The following CTNNA2 variants were observed in gnomAD, a reference collection of about 807,000 sequenced individuals.
CTNNA2 encodes the protein catenin alpha 2.
In CTNNA2, 42 loss-of-function variants were observed where a neutral mutation model predicts 101.0. The ratio of observed to expected loss-of-function variants is 0.42; its 90% CI spans 0.32 to 0.54. The LOEUF (loss-of-function observed/expected upper bound fraction) is 0.54. Among genes scored for constraint, CTNNA2 ranks in the 20% least tolerant of loss-of-function variants. The pLI, the probability that CTNNA2 is intolerant of heterozygous loss-of-function variation, is 0.14. For synonymous variants in CTNNA2, 450 were observed against 456.4 expected (o/e 0.99, Z 0.18); for missense variants, 871 against 1,223.1 (o/e 0.71, Z 4.29).
chr2:79,386,013 G>A (rs1374400072), intron 4 of CTNNA2, among the ~76,000 whole-genome samples: 1 of 152,168 alleles, frequency 6.6e-6, no homozygotes, highest in East Asian at 1.9e-4. Context: ...TGTCTTTATA[G>A]TAGAATGATT....
chr2:79,302,204 G>A (rs569116033), intron 2 of CTNNA2, among the ~76,000 whole-genome samples: 1 of 152,132 alleles, frequency 6.6e-6, no homozygotes, highest in Non-Finnish European at 1.5e-5. Flanking sequence ...CTACATCTCT[G>A]AGAGTCATGA....
At chr2:79,731,270 G>A (rs1164265826) in intron 2 of CTNNA2, among the ~76,000 whole-genome samples, 2 of 152,134 alleles carry the variant, frequency 1.3e-5, no homozygotes, top group Non-Finnish European at 2.9e-5. Flanking sequence ...GTGTTTCAAC[G>A]ATGATTTTGA....
At chr2:79,860,589 A>T (rs552897476) in intron 4 of CTNNA2, among the ~76,000 whole-genome samples, 40 of 143,304 alleles carry the variant, frequency 2.8e-4, no homozygotes, top group Middle Eastern at 7.1e-3. Flanking sequence ...AAAATCATGG[A>T]AAGGTCAACC....
chr2:80,485,771 T>C (rs1389571069), intron 9 of CTNNA2, among the ~76,000 whole-genome samples: 1 of 152,200 alleles, frequency 6.6e-6, no homozygotes, highest in Middle Eastern at 3.2e-3. Flanking sequence ...GCCAGGGCAC[T>C]TTCTAGTTTC....
chr2:80,627,506 A>G (rs1671806439), intron 18 of CTNNA2, among the ~76,000 whole-genome samples: 1 of 152,074 alleles, frequency 6.6e-6, no homozygotes, highest in Admixed American at 6.6e-5. Flanking sequence ...TTGGCTGCAT[A>G]AATGTCTTCT....
At chr2:79,444,314 G>A (rs1218001132) in intron 4 of CTNNA2, among the ~76,000 whole-genome samples, 1 of 152,008 alleles carries the variant, frequency 6.6e-6, no homozygotes, top group Admixed American at 6.6e-5. Flanking sequence ...TCCCAAGGAG[G>A]AAAAAGAATA....
chr2:80,163,171 G>T (rs1704439403), intron 7 of CTNNA2: 1 of 1,421,124 alleles, frequency 7.0e-7, no homozygotes, highest in Middle Eastern at 1.9e-4. Flanking sequence ...CCTCGAAAAG[G>T]AGCTCCTCGG....
chr2:80,288,771 G>T (rs1674988014), intron 7 of CTNNA2: 1 of 152,162 alleles, frequency 6.6e-6, no homozygotes, highest in African/African-American at 2.4e-5. Context: ...GCTGGGCCTG[G>T]TAGAAAATAA....
chr2:79,454,721 GCAGACTCATAAGAGAAA>G lies in CTNNA2; in HGVS notation c.-134-50331_-134-50315del, dbSNP rs1670795083. On this transcript the variant is annotated intron_variant, in intron 4 of 21. Coordinates refer to the CTNNA2 transcript ENST00000466387. ...CATTATTTCTCATAAGAGAAATAAT[GCAGACTCATAAGAGAAA>G]CCTAATCATAATCAGGTTGCCATTT... 5.8e-5 allele frequency among the ~76,000 whole-genome samples: 4 copies of G among 68,764 alleles called. No individual in the cohort carries two copies. The Admixed American group carries it at 6.7e-4, about 12-fold the overall frequency. The allele number at this position is 68,764 out of a possible 152,430, so 45.1% of individuals were successfully genotyped here. A position where few individuals can be genotyped will look rare whatever the true frequency, so the allele number is the denominator to read the frequency against.
At chr2:79,868,121 C>T (rs1394912320) in intron 4 of CTNNA2, among the ~76,000 whole-genome samples, 1 of 152,108 alleles carries the variant, frequency 6.6e-6, no homozygotes, top group Admixed American at 6.5e-5. Flanking sequence ...ACTGTACTTC[C>T]TTTTTCACAT....
chr2:80,221,601 C>G (rs952984024), intron 7 of CTNNA2, among the ~76,000 whole-genome samples: 2 of 152,184 alleles, frequency 1.3e-5, no homozygotes, highest in Non-Finnish European at 2.9e-5. Flanking sequence ...CTGATATACT[C>G]ATTTCCTGGC....
intron 1 of CTNNA2, among the ~76,000 whole-genome samples, chr2:79,530,902 A>C (rs1672696752): frequency 6.6e-6 from 1 of 152,094 alleles, no homozygotes; most frequent in African/African-American, 2.4e-5. Flanking sequence ...TTGGTGAATT[A>C]GTTTCCTAGA....
chr2:80,587,416 T>A (rs1696071065), intron 14 of CTNNA2, among the ~76,000 whole-genome samples: 1 of 152,200 alleles, frequency 6.6e-6, no homozygotes, highest in South Asian at 2.1e-4. Flanking sequence ...ATAATGTTAA[T>A]GATAATTCTA....
intron 1 of CTNNA2, among the ~76,000 whole-genome samples, chr2:79,189,418 T>A (rs1233263122): frequency 1.3e-5 from 2 of 152,190 alleles, no homozygotes. Flanking sequence ...ATTATTTCCA[T>A]CCTTCTACTC....
At chr2:79,466,096 A>G (rs1012585918) in intron 4 of CTNNA2, among the ~76,000 whole-genome samples, 2 of 152,240 alleles carry the variant, frequency 1.3e-5, no homozygotes, top group African/African-American at 4.8e-5. Context: ...GCATCGCCTC[A>G]CCCAGGAAGT....
intron 2 of CTNNA2, among the ~76,000 whole-genome samples, chr2:79,718,552 G>A (rs1450130495): frequency 6.6e-6 from 1 of 152,102 alleles, no homozygotes; most frequent in East Asian, 1.9e-4. Flanking sequence ...TAAAGATGAA[G>A]CCTCCAGAAA....
intron 1 of CTNNA2, among the ~76,000 whole-genome samples, chr2:79,197,361 T>C (rs1292324270): frequency 6.6e-6 from 1 of 152,128 alleles, no homozygotes; most frequent in East Asian, 1.9e-4. Context: ...TGTGATTAGT[T>C]TGAAGAGTAT....
intron 7 of CTNNA2, among the ~76,000 whole-genome samples, chr2:79,998,636 T>G (rs1425454492): frequency 6.6e-6 from 1 of 152,184 alleles, no homozygotes; most frequent in Non-Finnish European, 1.5e-5. Context: ...AATTATGCAG[T>G]GTTTTCAAAA....
chr2:80,606,412 A>ACACCC (rs1011187162), intron 16 of CTNNA2, among the ~76,000 whole-genome samples: 3 of 48,652 alleles, frequency 6.2e-5, no homozygotes, highest in African/African-American at 2.4e-4. Flanking sequence ...ACACACACAC[A>ACACCC]CCCCCCAGGA....
Sources: allele counts gnomAD v4.1 joint callset (sites outside exome capture counted in the v4.1 genomes callset), GRCh38; gene constraint gnomAD v4.1.1; transcripts MANE v1.5; gene names NCBI Gene and HGNC (gene_info 2026-07-23, HGNC 2026-07-21).